MCF2L2: variants seen among roughly 807,000 people sequenced by gnomAD.
MCF2L2 encodes the protein probable guanine nucleotide exchange factor MCF2L2.
In MCF2L2, 102 loss-of-function variants were observed where a neutral mutation model predicts 150.2. The ratio of observed to expected loss-of-function variants is 0.68; its 90% CI spans 0.58 to 0.80. The LOEUF (loss-of-function observed/expected upper bound fraction) is 0.80. MCF2L2 is among the 30% of genes least tolerant of loss of function. The probability of loss-of-function intolerance (pLI) is 0.00; values close to 1 mark genes in which losing one functional copy is unlikely to be tolerated. For missense variants in MCF2L2, 1,256 were observed against 1,372.8 expected, an observed-to-expected ratio of 0.91 and a Z score of 1.34; for synonymous variants, 465 against 491.3, an observed-to-expected ratio of 0.95 and a Z score of 0.71.
At chr3:183,258,117 T>C (rs561391993) in intron 15 of MCF2L2, among the ~76,000 whole-genome samples, 11 of 151,712 alleles carry the variant, frequency 7.3e-5, no homozygotes, top group Non-Finnish European at 1.3e-4. Flanking sequence ...ACAGGCATGC[T>C]CCACCACACC....
At chr3:183,199,960 G>GT (rs1419303870) in intron 25 of MCF2L2, among the ~76,000 whole-genome samples, 1 of 152,020 alleles carries the variant, frequency 6.6e-6, no homozygotes, top group East Asian at 1.9e-4. Context: ...TGAACTCATT[G>GT]TTTTTTATGG....
chr3:183,326,153 T>C (rs185677886), intron 5 of MCF2L2, among the ~76,000 whole-genome samples: 1 of 152,188 alleles, frequency 6.6e-6, no homozygotes, highest in African/African-American at 2.4e-5. Context: ...AAGCAAGTCC[T>C]GATAGACCCA....
At chr3:183,276,985 T>A (rs754488031) in intron 14 of MCF2L2, 28 bp from the exon 15 acceptor site, 15 of 1,486,670 alleles carry the variant, frequency 1.0e-5, no homozygotes, top group East Asian at 2.3e-5. Flanking sequence ...TTGGTAAGAT[T>A]TGATATTGTA....
intron 25 of MCF2L2, among the ~76,000 whole-genome samples, 185 bp from the exon 26 acceptor site, chr3:183,195,440 C>A (rs183850113): frequency 6.6e-6 from 1 of 152,278 alleles, no homozygotes; most frequent in Admixed American, 6.5e-5. Context: ...CCTGGGCTCA[C>A]GTGGTCCTGG....
chr3:183,361,990 T>C (rs114406137), intron 3 of MCF2L2, among the ~76,000 whole-genome samples: 3,048 of 152,322 alleles, frequency 0.02, 88 homozygotes, highest in African/African-American at 0.067. Context: ...AGGATATATG[T>C]ATGTGAAATA....
At position 183,253,437 on chromosome 3, in the gene MCF2L2, C is replaced by T. The variant is rs927838624; in HGVS notation, c.1863-22420G>A. 3 of 152,164 alleles carry T rather than the reference C, an allele frequency of 2.0e-5. No homozygotes were observed. In the South Asian group the frequency reaches 6.2e-4, roughly 31 times the overall value. 9.4% of individuals were successfully genotyped at this position (152,164 alleles called of 1,614,324 possible). Reference sequence around the variant, plus strand: ...CTGGGCTTGAACTTCGTGAGTTTCGCTCTAAACTGCCCTTGAAATGAAGCT... The same window carrying T: ...CTGGGCTTGAACTTCGTGAGTTTCGTTCTAAACTGCCCTTGAAATGAAGCT... On this transcript the variant is annotated intron_variant, in intron 15 of 29. Coordinates refer to ENST00000328913, the MANE Select transcript of MCF2L2 (RefSeq NM_015078.4).
intron 1 of MCF2L2, among the ~76,000 whole-genome samples, chr3:183,406,468 T>A (rs1179839690): frequency 6.6e-6 from 1 of 152,208 alleles, no homozygotes; most frequent in African/African-American, 2.4e-5. Context: ...GATCGAGTCC[T>A]TTGTCAGATA....
intron 3 of MCF2L2, among the ~76,000 whole-genome samples, chr3:183,353,245 C>T (rs1335966296): frequency 6.6e-6 from 1 of 152,112 alleles, no homozygotes; most frequent in South Asian, 2.1e-4. Flanking sequence ...ATCAGCTACA[C>T]TCATTCATAG....
chr3:183,253,470 G>A (rs1019868692), intron 15 of MCF2L2: 2 of 152,038 alleles, frequency 1.3e-5, no homozygotes, highest in African/African-American at 4.8e-5. Context: ...GCTGGACTTG[G>A]AGGTAAAGTC....
At chr3:183,311,061 G>C (rs367557186) in intron 8 of MCF2L2, 32 bp from the exon 9 acceptor site, 27 of 1,403,490 alleles carry the variant, frequency 1.9e-5, no homozygotes, top group East Asian at 1.4e-4. Context: ...GTGATGTTAG[G>C]TTAGCATTCA....
At chr3:183,195,651 A>AT (rs2108637413) in intron 25 of MCF2L2, among the ~76,000 whole-genome samples, 1 of 152,302 alleles carries the variant, frequency 6.6e-6, no homozygotes, top group Non-Finnish European at 1.5e-5. Context: ...AGCGATAAGA[A>AT]TCACATTCTT....
chr3:183,247,640 C>A (rs1478432410), intron 15 of MCF2L2, among the ~76,000 whole-genome samples: 2 of 152,104 alleles, frequency 1.3e-5, no homozygotes, highest in East Asian at 3.9e-4. Context: ...GTGGATTCAA[C>A]TCACCTCATA....
chr3:183,231,898 A>T (rs555040110), intron 15 of MCF2L2, among the ~76,000 whole-genome samples: 1 of 152,286 alleles, frequency 6.6e-6, no homozygotes, highest in Non-Finnish European at 1.5e-5. Context: ...TCTGTCAAGG[A>T]ATGCAGGTGG....
At chr3:183,403,053 G>A (rs947450821) in intron 1 of MCF2L2, among the ~76,000 whole-genome samples, 2 of 152,038 alleles carry the variant, frequency 1.3e-5, no homozygotes, top group Non-Finnish European at 2.9e-5. Flanking sequence ...GGCTGAGGCG[G>A]GCAGATCACC....
chr3:183,416,911 C>T (rs1004023197), intron 1 of MCF2L2, among the ~76,000 whole-genome samples: 1 of 151,478 alleles, frequency 6.6e-6, no homozygotes, highest in Admixed American at 6.6e-5. Flanking sequence ...AGATCGAGAC[C>T]ATCCTGGCCA....
intron 1 of MCF2L2, among the ~76,000 whole-genome samples, chr3:183,402,867 AATATAT>A (rs1244392999): frequency 7.2e-6 from 1 of 139,824 alleles, no homozygotes; most frequent in East Asian, 1.9e-4. Context: ...ATAGACAAAA[AATATAT>A]ATATATATAC....
intron 1 of MCF2L2, among the ~76,000 whole-genome samples, chr3:183,411,423 C>G (rs996280261): frequency 2.0e-5 from 3 of 152,194 alleles, no homozygotes; most frequent in Non-Finnish European, 4.4e-5. Context: ...CAGAGGCCCT[C>G]TGGCTGGGTC....
At chr3:183,311,852 G>C (rs1488089741) in intron 7 of MCF2L2, 80 bp from the exon 8 acceptor site, 1 of 1,268,386 alleles carries the variant, frequency 7.9e-7, no homozygotes, top group African/African-American at 1.5e-5. Flanking sequence ...GAGAATAGTA[G>C]ATCAGTACAT....
chr3:183,295,572 C>T, intron 12 of MCF2L2, 95 bp from the exon 13 acceptor site: 1 of 1,199,568 alleles, frequency 8.3e-7, no homozygotes. Context: ...CCCTACTCCC[C>T]CCATCCCTAC....
Sources: gnomAD v4.1 joint callset for allele counts (sites outside exome capture counted in the v4.1 genomes callset) on GRCh38, gnomAD v4.1.1 for gene constraint, MANE v1.5 for transcripts, NCBI Gene and HGNC (gene_info 2026-07-23, HGNC 2026-07-21) for gene names.